Variants in SESTD1 observed in about 807,000 individuals in gnomAD.
SESTD1 encodes SEC14 domain and spectrin repeat-containing protein 1.
In SESTD1, 43 loss-of-function variants were observed where a neutral mutation model predicts 101.7. That is an observed-to-expected ratio of 0.42 (90% confidence interval 0.33 to 0.55). The LOEUF is 0.55. Among genes scored for constraint, SESTD1 ranks in the 20% least tolerant of loss-of-function variants. SESTD1 has a pLI of 0.07. For missense variants in SESTD1, 647 were observed against 815.1 expected (o/e 0.79, Z 2.51); for synonymous variants, 283 against 286.8 (o/e 0.99, Z 0.13).
intron 1 of SESTD1, among the ~76,000 whole-genome samples, chr2:179,209,860 T>A (rs186300050): frequency 1.5e-5 from 2 of 129,148 alleles, no homozygotes; most frequent in African/African-American, 3.1e-5. Flanking sequence ...GAAATAAAGA[T>A]CAGAGCAGAA....
At chr2:179,232,335 T>G (rs865858103) in intron 1 of SESTD1, among the ~76,000 whole-genome samples, 43 of 151,932 alleles carry the variant, frequency 2.8e-4, no homozygotes, top group African/African-American at 1.0e-3. Context: ...AATTCATAAT[T>G]CAAAAAGAAC....
Position 179,109,811 on chromosome 2 carries a change from A to AT in SESTD1, c.*87dup. ...AAATGAGACTTATTTTGGCTGTGAAATGCATCTTAAGGTGTGGTGGCTAAT... is the reference window on the plus strand; with the variant it reads ...AAATGAGACTTATTTTGGCTGTGAAATTGCATCTTAAGGTGTGGTGGCTAAT... On this transcript the variant is annotated 3_prime_UTR_variant, in exon 18 of 18. Coordinates refer to ENST00000428443, the MANE Select transcript of SESTD1 (RefSeq NM_178123.5). 6.7e-7 allele frequency: 1 copy of AT among 1,493,690 alleles called. No homozygotes were observed. Among genetic ancestry groups the AT allele is most frequent in the East Asian group, 2.3e-5 (1 of 43,746 alleles). The allele number at this position is 1,493,690 out of a possible 1,614,324, so 92.5% of individuals were successfully genotyped here.
chr2:179,149,455 A>G, intron 6 of SESTD1, 61 bp from the exon 7 acceptor site: 1 of 1,167,132 alleles, frequency 8.6e-7, no homozygotes, highest in Non-Finnish European at 1.2e-6. Flanking sequence ...TGTAATAAGG[A>G]TTGTCAGTTA....
At chr2:179,222,133 A>G (rs1243387467) in intron 1 of SESTD1, among the ~76,000 whole-genome samples, 2 of 152,114 alleles carry the variant, frequency 1.3e-5, no homozygotes, top group African/African-American at 4.8e-5. Flanking sequence ...ACTGTAAGCG[A>G]TATTAGCTAT....
intron 2 of SESTD1, among the ~76,000 whole-genome samples, chr2:179,187,357 G>A (rs1396116889): frequency 6.6e-6 from 1 of 152,164 alleles, no homozygotes; most frequent in Admixed American, 6.5e-5. Flanking sequence ...AAGCACAGTA[G>A]CTCATGCCTA....
At chr2:179,184,213 A>G (rs1049492678) in intron 2 of SESTD1, among the ~76,000 whole-genome samples, 1 of 152,274 alleles carries the variant, frequency 6.6e-6, no homozygotes, top group East Asian at 1.9e-4. Flanking sequence ...AGTTTCCTAC[A>G]TGTTTGAATT....
intron 1 of SESTD1, among the ~76,000 whole-genome samples, chr2:179,248,333 A>G (rs1319505278): frequency 6.6e-6 from 1 of 152,204 alleles, no homozygotes; most frequent in Admixed American, 6.5e-5. Flanking sequence ...CAGGTGGAGA[A>G]GTCAACAAAA....
intron 1 of SESTD1, among the ~76,000 whole-genome samples, chr2:179,227,611 T>C (rs1208400784): frequency 6.6e-6 from 1 of 152,216 alleles, no homozygotes; most frequent in Non-Finnish European, 1.5e-5. Context: ...TACGGAACTA[T>C]GATAATTGTT....
At chr2:179,262,639 T>C (rs1424150985) in intron 1 of SESTD1, among the ~76,000 whole-genome samples, 1 of 152,248 alleles carries the variant, frequency 6.6e-6, no homozygotes, top group East Asian at 1.9e-4. Context: ...CGGATTAGTT[T>C]GGTACAATTT....
intron 17 of SESTD1, among the ~76,000 whole-genome samples, chr2:179,111,805 C>T (rs1019418613): frequency 2.0e-5 from 3 of 151,278 alleles, no homozygotes; most frequent in Admixed American, 6.6e-5. Flanking sequence ...CTGCAAGCTC[C>T]GCCTCCCAGG....
chr2:179,108,499 G>A lies in SESTD1; in HGVS notation c.*1400C>T, dbSNP rs1422410982. The A allele has an allele frequency of 6.6e-6, 1 of 152,194 alleles. No individual in the cohort carries two copies. The highest frequency in any genetic ancestry group is 1.9e-4 in the East Asian group (1 of 5,196). 9.4% of individuals were successfully genotyped at this position (152,194 alleles called of 1,614,324 possible). A position where few individuals can be genotyped will look rare whatever the true frequency, so the allele number is the denominator to read the frequency against. Reference sequence around the variant, plus strand: ...AAACCAGACTGCAAGGTGCTGAGTAGTGAGTGATGAGGATGTAGGGGCACT... The same window carrying A: ...AAACCAGACTGCAAGGTGCTGAGTAATGAGTGATGAGGATGTAGGGGCACT... On this transcript the variant is annotated 3_prime_UTR_variant, in exon 18 of 18. Transcript: ENST00000428443.
chr2:179,231,117 T>A (rs1209249920), intron 1 of SESTD1, among the ~76,000 whole-genome samples: 3 of 152,184 alleles, frequency 2.0e-5, no homozygotes, highest in African/African-American at 4.8e-5. Context: ...CAATTTTTAA[T>A]ATGCAGGAAC....
rs773117844 is a variant in SESTD1 at position 179,116,531 on chromosome 2, C to CAT, written c.1647+135_1647+136dup. ...AGGCTAGTTTTGATGCACCAGCTGA[C>CAT]ATTTTCTTAATTCTGTGACACTTCT... On this transcript the variant is annotated intron_variant, in intron 15 of 17. Transcript: ENST00000428443. The CAT allele has an allele frequency of 5.0e-6, 7 of 1,397,702 alleles. No homozygotes were observed. The East Asian group carries it at 1.6e-4, about 32-fold the overall frequency. The allele number at this position is 1,397,702 out of a possible 1,614,324, so 86.6% of individuals were successfully genotyped here.
chr2:179,121,549 T>C (rs1250011000), intron 13 of SESTD1, among the ~76,000 whole-genome samples: 1 of 151,992 alleles, frequency 6.6e-6, no homozygotes, highest in Non-Finnish European at 1.5e-5. Flanking sequence ...AATTGAAATT[T>C]TTACAACCCA....
At chr2:179,230,885 T>C (rs940533598) in intron 1 of SESTD1, among the ~76,000 whole-genome samples, 1 of 152,102 alleles carries the variant, frequency 6.6e-6, no homozygotes, top group Non-Finnish European at 1.5e-5. Flanking sequence ...AAATATATTA[T>C]AGTAAAACTA....
In SESTD1 at chr2:179,115,160, G is replaced by C. The variant is rs2044600351; in HGVS notation, c.1744C>G (p.Arg582Gly). The C allele has an allele frequency of 6.2e-7, 1 of 1,613,880 alleles. No individual in the cohort carries two copies. The highest frequency in any genetic ancestry group is 8.5e-7 in the Non-Finnish European group (1 of 1,179,910). ...TSRSSGDTLP[R>G]LNRVWKQFTI... ...AATTGTTTCCATACTCTGTTCAGTC[G>C]AGGAAGTGTATCCCCAGATGACCGA... The change falls in exon 16 of 18, where the codon CGA becomes GGA. Residue 582 changes from arginine to glycine, a missense_variant. By Grantham distance (125) the Arg-to-Gly change is moderately radical. Transcript: ENST00000428443.
Position 179,256,421 on chromosome 2 carries a change from T to C in SESTD1, c.-26+8078A>G, listed in dbSNP as rs190492074. ...CTTTAAGGGGTTCAAAATTTCAGTG[T>C]AGGAAGTAACTGCAGATGTGGTAGA... On this transcript the variant is annotated intron_variant, in intron 1 of 17. Transcript: ENST00000428443. 1.3e-4 allele frequency among the ~76,000 whole-genome samples: 20 copies of C among 152,278 alleles called. No homozygotes were observed. In the East Asian group the frequency reaches 3.9e-3, roughly 29 times the overall value.
rs942372103 is a variant in SESTD1, at chr2:179,216,147, C to A, written c.-25-24281G>T. 6.7e-5 allele frequency among the ~76,000 whole-genome samples: 9 copies of A among 134,622 alleles called. 2 individuals carry two copies. The highest frequency in any genetic ancestry group is 2.6e-4 in the African/African-American group (9 of 34,030). 88.3% of individuals were successfully genotyped at this position (134,622 alleles called of 152,430 possible). On this transcript the variant is annotated intron_variant, in intron 1 of 17. Transcript: ENST00000428443. ...GGAAGTTCTGGCCAGGGCAATTAGG[C>A]AGGAGAAAGAAATAAAGGGTATTCA...
chr2:179,125,404 T>C (rs2044849279), intron 10 of SESTD1, among the ~76,000 whole-genome samples: 1 of 152,164 alleles, frequency 6.6e-6, no homozygotes, highest in Non-Finnish European at 1.5e-5. Flanking sequence ...CTGGCTTTCT[T>C]TCCTTCCATC....
Sources: allele counts gnomAD v4.1 joint callset (sites outside exome capture counted in the v4.1 genomes callset), GRCh38; gene constraint gnomAD v4.1.1; transcripts MANE v1.5; gene names NCBI Gene and HGNC (gene_info 2026-07-23, HGNC 2026-07-21).